XRCC4: variants seen among roughly 807,000 people sequenced by gnomAD.
The protein encoded by XRCC4 is X-ray repair cross complementing 4, also known as DNA repair protein XRCC4.
A neutral mutation model predicts 39.1 loss-of-function variants in XRCC4; 28 were observed. That is an observed-to-expected ratio of 0.72 (90% CI 0.53 to 0.98). XRCC4 has a LOEUF of 0.98. XRCC4 is among the 50% of genes least tolerant of loss of function. XRCC4 has a pLI of 0.00. For synonymous variants in XRCC4, 123 were observed against 126.4 expected (o/e 0.97, Z 0.18); for missense variants, 350 against 376.4 (o/e 0.93, Z 0.58).
intron 3 of XRCC4, among the ~76,000 whole-genome samples, chr5:83,129,737 A>T (rs918764505): frequency 6.6e-6 from 1 of 152,060 alleles, no homozygotes; most frequent in Non-Finnish European, 1.5e-5. Flanking sequence ...CTTTGTAGCA[A>T]TTGTGAATGG....
intron 3 of XRCC4, among the ~76,000 whole-genome samples, chr5:83,162,997 TGGAG>T (rs1749293738): frequency 6.7e-6 from 1 of 149,596 alleles, no homozygotes; most frequent in Non-Finnish European, 1.5e-5. Context: ...TCCCCCAGGC[TGGAG>T]TGCAGTGGTG....
chr5:83,222,561 C>T (rs998543947), intron 6 of XRCC4, among the ~76,000 whole-genome samples: 2 of 151,992 alleles, frequency 1.3e-5, no homozygotes, highest in African/African-American at 4.8e-5. Context: ...GCCTGGAGAA[C>T]CCTCATTTTC....
intron 6 of XRCC4, among the ~76,000 whole-genome samples, chr5:83,214,691 G>A (rs144505080): frequency 2.2e-3 from 335 of 151,878 alleles, no homozygotes; most frequent in African/African-American, 7.5e-3. Context: ...CAAAAAATTA[G>A]CCGGGCATCG....
chr5:83,099,725 C>T (rs1351043126), intron 1 of XRCC4, among the ~76,000 whole-genome samples: 1 of 152,110 alleles, frequency 6.6e-6, no homozygotes, highest in African/African-American at 2.4e-5. Flanking sequence ...TTGGCTCTGG[C>T]TGGGAGAGGT....
chr5:83,360,288 T>C, the XRCC4 span, among the ~76,000 whole-genome samples: 1 of 152,110 alleles, frequency 6.6e-6, no homozygotes, highest in Non-Finnish European at 1.5e-5. Flanking sequence ...TGATGGGAGA[T>C]GTATGCTTAA....
At chr5:83,173,394 A>G (rs1014060955) in intron 3 of XRCC4, among the ~76,000 whole-genome samples, 2 of 152,156 alleles carry the variant, frequency 1.3e-5, no homozygotes, top group Admixed American at 6.6e-5. Context: ...TTCTCATACT[A>G]TATAAGTTAC....
chr5:83,231,904 T>C (rs1456138466), intron 6 of XRCC4, among the ~76,000 whole-genome samples: 1 of 152,136 alleles, frequency 6.6e-6, no homozygotes, highest in African/African-American at 2.4e-5. Context: ...TATGGATTTG[T>C]CATTTGTTAC....
At chr5:83,368,946 A>G in the XRCC4 span, among the ~76,000 whole-genome samples, 1 of 152,270 alleles carries the variant, frequency 6.6e-6, no homozygotes, top group Non-Finnish European at 1.5e-5. Flanking sequence ...AAACAGAAAA[A>G]TGGCCCCTTT....
intron 7 of XRCC4, among the ~76,000 whole-genome samples, chr5:83,334,689 AT>A (rs1756541992): frequency 6.6e-6 from 1 of 151,964 alleles, no homozygotes; most frequent in East Asian, 1.9e-4. Flanking sequence ...ATATATATAT[AT>A]AAGATAGACA....
intron 6 of XRCC4, among the ~76,000 whole-genome samples, chr5:83,239,136 T>C (rs1752805426): frequency 6.6e-6 from 1 of 152,204 alleles, no homozygotes; most frequent in Non-Finnish European, 1.5e-5. Context: ...CTAACATTTG[T>C]TAAATGCCTG....
At chr5:83,188,260 G>GCC in intron 3 of XRCC4, among the ~76,000 whole-genome samples, 1 of 152,066 alleles carries the variant, frequency 6.6e-6, no homozygotes, top group Non-Finnish European at 1.5e-5. Flanking sequence ...AAGCTCAGTG[G>GCC]GGTACTGGCA....
intron 7 of XRCC4, among the ~76,000 whole-genome samples, chr5:83,324,190 G>A (rs2441006): frequency 1.3e-4 from 20 of 151,946 alleles, no homozygotes; most frequent in East Asian, 7.7e-4. Flanking sequence ...CTATTAAGCC[G>A]CAGAAAATAT....
chr5:83,287,843 C>T (rs1037593071), intron 7 of XRCC4, among the ~76,000 whole-genome samples: 1 of 151,648 alleles, frequency 6.6e-6, no homozygotes, highest in African/African-American at 2.4e-5. Context: ...GCTTAAACTG[C>T]TCTTCTTTCT....
At chr5:83,146,815 T>TC (rs1298039432) in intron 3 of XRCC4, among the ~76,000 whole-genome samples, 2 of 152,228 alleles carry the variant, frequency 1.3e-5, no homozygotes, top group African/African-American at 4.8e-5. Flanking sequence ...GTTTTCTTTT[T>TC]CCCCGAGTCC....
Position 83,082,564 on chromosome 5 carries a change from T to C in XRCC4, c.-11+4949T>C, listed in dbSNP as rs141588063. Among the ~76,000 whole-genome samples the C allele has an allele frequency of 4.5e-3, 689 of 152,278 alleles. 7 individuals carry two copies. Among genetic ancestry groups the C allele is most frequent in the African/African-American group, 0.016 (650 of 41,540 alleles). ...AACATTACTTTTTTGCTTAAAAACC[T>C]TTCGTGAATCATTTGATTCATAGTA... On this transcript the variant is annotated intron_variant, in intron 1 of 7. Transcript: ENST00000396027.
chr5:83,364,230 T>A, the XRCC4 span, among the ~76,000 whole-genome samples: 6 of 152,154 alleles, frequency 3.9e-5, no homozygotes, highest in Admixed American at 6.6e-5. Context: ...TTAAAAAAAA[T>A]CAAATTATAT....
rs200217928 is a variant in XRCC4 at position 83,166,460 on chromosome 5, GTT to G, written c.316-29298_316-29297del. ...CAACAGTATATAAGTGTTCCTGTTT[GTT>G]TTTTTTTTTTTCTTTTTTTGAGATG... is the stretch of plus-strand genomic sequence containing the variant. On this transcript the variant is annotated intron_variant, in intron 3 of 7. Transcript: ENST00000396027. 2.4e-4 allele frequency among the ~76,000 whole-genome samples: 34 copies of G among 142,236 alleles called. 1 individual carries two copies. Among genetic ancestry groups the G allele is most frequent in the Admixed American group, 2.1e-4 (3 of 14,276 alleles). 93.3% of individuals were successfully genotyped at this position (142,236 alleles called of 152,430 possible). A position where few individuals can be genotyped will look rare whatever the true frequency, so the allele number is the denominator to read the frequency against.
intron 1 of XRCC4, among the ~76,000 whole-genome samples, chr5:83,097,149 A>G (rs1208325137): frequency 1.3e-5 from 2 of 152,202 alleles, no homozygotes; most frequent in Non-Finnish European, 2.9e-5. Flanking sequence ...ACAGACTGAG[A>G]AATTGAAGCG....
At chr5:83,160,091 G>T (rs1366996613) in intron 3 of XRCC4, among the ~76,000 whole-genome samples, 1 of 151,990 alleles carries the variant, frequency 6.6e-6, no homozygotes, top group Non-Finnish European at 1.5e-5. Flanking sequence ...AATTTAAAAA[G>T]AAATAGAAAT....
Sources: gnomAD v4.1 joint callset for allele counts (sites outside exome capture counted in the v4.1 genomes callset) on GRCh38, gnomAD v4.1.1 for gene constraint, MANE v1.5 for transcripts, NCBI Gene and HGNC (gene_info 2026-07-23, HGNC 2026-07-21) for gene names.